The following TAOK3 variants were observed in gnomAD, a reference collection of about 807,000 sequenced individuals.
The protein encoded by TAOK3 is serine/threonine-protein kinase TAO3.
A neutral mutation model predicts 120.4 loss-of-function variants in TAOK3; 40 were observed. The observed-to-expected ratio is 0.33, with a 90% CI of 0.26 to 0.43. The LOEUF is 0.43. Ranked by LOEUF, TAOK3 falls within the 20% of genes least tolerant of loss-of-function variation. The pLI, the probability that TAOK3 is intolerant of heterozygous loss-of-function variation, is 1.00. For missense variants in TAOK3, 821 were observed against 1,112.1 expected, an observed-to-expected ratio of 0.74 and a Z score of 3.72; for synonymous variants, 355 against 387.5, an observed-to-expected ratio of 0.92 and a Z score of 0.99.
chr12:118,337,886 C>A (rs2044431501), intron 1 of TAOK3, among the ~76,000 whole-genome samples: 1 of 152,098 alleles, frequency 6.6e-6, no homozygotes, highest in Admixed American at 6.5e-5. Flanking sequence ...CCTAAATATA[C>A]ACACATGTAA....
At position 118,243,466 on chromosome 12, in the gene TAOK3, ATG is replaced by A; in HGVS notation, c.241_242del (p.His81SerfsTer2). On this transcript the variant is annotated frameshift_variant, in exon 5 of 21. Coordinates refer to ENST00000392533, the MANE Select transcript of TAOK3 (RefSeq NM_016281.4). LOFTEE classifies it high-confidence loss of function. ...KEVKFLRQLK[H>X]PNTIEYKGCY... is the part of the protein sequence containing the mutation. Reference sequence around the variant, plus strand: ...AGCCTTTGTACTCAATAGTATTAGGATGCTTCAATTGTCGTAAAAATTTAACT... The same window carrying A: ...AGCCTTTGTACTCAATAGTATTAGGACTTCAATTGTCGTAAAAATTTAACT... 1 of 1,549,928 alleles carries A rather than the reference ATG, an allele frequency of 6.5e-7. No individual in the cohort carries two copies. The highest frequency in any genetic ancestry group is 8.6e-7 in the Non-Finnish European group (1 of 1,156,864).
At chr12:118,151,257 CACAT>C (rs1379343007) in intron 20 of TAOK3, 99 bp from the exon 21 acceptor site, 22 of 1,217,232 alleles carry the variant, frequency 1.8e-5, no homozygotes, top group Admixed American at 4.2e-5. Flanking sequence ...CATGCACACA[CACAT>C]AGGCACACAC....
intron 3 of TAOK3, among the ~76,000 whole-genome samples, chr12:118,253,297 G>C (rs546664255): frequency 1.3e-5 from 2 of 152,216 alleles, no homozygotes; most frequent in African/African-American, 4.8e-5. Context: ...GAACATAAAG[G>C]ACCACTTAAA....
intron 1 of TAOK3, among the ~76,000 whole-genome samples, chr12:118,360,736 A>C (rs1239221336): frequency 1.3e-5 from 2 of 152,316 alleles, no homozygotes; most frequent in African/African-American, 4.8e-5. Flanking sequence ...TTCATATATA[A>C]TGAGGAAACT....
At chr12:118,288,915 C>CAAAAAAAA (rs34740967) in intron 1 of TAOK3, among the ~76,000 whole-genome samples, 5 of 94,196 alleles carry the variant, frequency 5.3e-5, no homozygotes, top group Admixed American at 1.3e-4. Context: ...GACTCTATCT[C>CAAAAAAAA]AAAAAAAAAA....
At chr12:118,241,436 A>G (rs764457679) in intron 5 of TAOK3, among the ~76,000 whole-genome samples, 1 of 152,216 alleles carries the variant, frequency 6.6e-6, no homozygotes, top group Non-Finnish European at 1.5e-5. Context: ...TCCTTAAACC[A>G]AGCATATGAA....
At chr12:118,326,422 G>A (rs2043937485) in intron 1 of TAOK3, among the ~76,000 whole-genome samples, 1 of 152,110 alleles carries the variant, frequency 6.6e-6, no homozygotes, top group African/African-American at 2.4e-5. Context: ...TTGAAGTCAG[G>A]TAATGTGATT....
At chr12:118,169,252 G>A (rs2035832413) in intron 17 of TAOK3, among the ~76,000 whole-genome samples, 1 of 150,768 alleles carries the variant, frequency 6.6e-6, no homozygotes, top group Non-Finnish European at 1.5e-5. Flanking sequence ...GACCTCAGGT[G>A]ACCCACCTGC....
chr12:118,347,590 T>C (rs1408379789), intron 1 of TAOK3, among the ~76,000 whole-genome samples: 1 of 152,138 alleles, frequency 6.6e-6, no homozygotes, highest in African/African-American at 2.4e-5. Flanking sequence ...CCTTACAAGG[T>C]TGTTTCTTGG....
chr12:118,189,960 A>G lies in TAOK3; in HGVS notation c.1195-19T>C, dbSNP rs2037341761. 1 of 1,612,740 alleles carries G rather than the reference A, an allele frequency of 6.2e-7. No homozygotes were observed. The highest frequency in any genetic ancestry group is 8.5e-7 in the Non-Finnish European group (1 of 1,178,940). ...CATGATCCTGCAGAAATGGATAAAA[A>G]CAAGGAGAAAGTCCAGCTGTGCTCT... On this transcript the variant is annotated intron_variant, in intron 13 of 20. Transcript: ENST00000392533.
chr12:118,224,170 T>G (rs1270981569), intron 9 of TAOK3, among the ~76,000 whole-genome samples: 1 of 152,202 alleles, frequency 6.6e-6, no homozygotes, highest in Admixed American at 6.5e-5. Context: ...AATCACATAG[T>G]GTTTACGCTG....
intron 2 of TAOK3, chr12:118,261,466 G>A (rs994982303): frequency 1.3e-5 from 2 of 152,298 alleles, no homozygotes; most frequent in East Asian, 1.9e-4. Flanking sequence ...GAATCAGGAA[G>A]GAGGCAAGGA....
At chr12:118,268,749 C>T (rs577909003) in intron 1 of TAOK3, among the ~76,000 whole-genome samples, 4 of 152,294 alleles carry the variant, frequency 2.6e-5, no homozygotes, top group African/African-American at 9.6e-5. Flanking sequence ...TGGCTCACAC[C>T]TGTAATCCCA....
At chr12:118,171,322 T>A (rs2035981670) in intron 17 of TAOK3, among the ~76,000 whole-genome samples, 1 of 152,190 alleles carries the variant, frequency 6.6e-6, no homozygotes, top group African/African-American at 2.4e-5. Flanking sequence ...TCATGACTTC[T>A]ATCTCTCTAT....
intron 13 of TAOK3, 122 bp downstream of exon 13, chr12:118,198,929 C>T (rs2037880774): frequency 1.0e-6 from 1 of 989,744 alleles, no homozygotes; most frequent in Non-Finnish European, 1.6e-6. Context: ...TGTCACATGC[C>T]AGGTTTAGTA....
chr12:118,178,819 T>C (rs921545798), intron 15 of TAOK3, among the ~76,000 whole-genome samples: 3 of 152,294 alleles, frequency 2.0e-5, no homozygotes, highest in Middle Eastern at 6.8e-3. Context: ...CCTAAATGAA[T>C]AAAACACATA....
intron 16 of TAOK3, among the ~76,000 whole-genome samples, 191 bp from the exon 17 acceptor site, chr12:118,172,851 G>T (rs1403666833): frequency 6.6e-6 from 1 of 152,160 alleles, no homozygotes; most frequent in Non-Finnish European, 1.5e-5. Context: ...AGGGACACTT[G>T]TGAGTTTCTG....
At position 118,293,688 on chromosome 12, in the gene TAOK3, G is replaced by C. The variant is rs7967474; in HGVS notation, c.-193-26929C>G. 8.3e-4 allele frequency among the ~76,000 whole-genome samples: 122 copies of C among 146,618 alleles called. 2 individuals carry two copies. The highest frequency in any genetic ancestry group is 3.0e-3 in the African/African-American group (119 of 40,024). On this transcript the variant is annotated intron_variant, in intron 1 of 20. Transcript: ENST00000392533. ...GACTCTGTCTCAAAAAAAAAAAGGA[G>C]AGACAAGCCACATAAGCAAATAATG...
At chr12:118,257,350 G>A (rs1048401456) in intron 2 of TAOK3, among the ~76,000 whole-genome samples, 3 of 152,022 alleles carry the variant, frequency 2.0e-5, no homozygotes, top group Non-Finnish European at 2.9e-5. Flanking sequence ...TGAAATCAAA[G>A]TTTCTATTAA....
Sources: allele counts gnomAD v4.1 joint callset (sites outside exome capture counted in the v4.1 genomes callset), GRCh38; gene constraint gnomAD v4.1.1; transcripts MANE v1.5; gene names NCBI Gene and HGNC (gene_info 2026-07-23, HGNC 2026-07-21).